The following CENPK variants were observed in gnomAD, a reference collection of about 807,000 sequenced individuals.
The protein encoded by CENPK is centromere protein K, also known as SoxLZ/Sox6-binding protein Solt.
In CENPK, 46 loss-of-function variants were observed where a neutral mutation model predicts 40.9. The observed-to-expected ratio is 1.13, with a 90% confidence interval of 0.89 to 1.44. The LOEUF (loss-of-function observed/expected upper bound fraction) is 1.44. Ranked by LOEUF, CENPK falls within the 40% of genes most tolerant of loss-of-function variation. The pLI is 0.00. For synonymous variants in CENPK, 107 were observed against 104.4 expected (o/e 1.02, Z -0.15); for missense variants, 288 against 303.5 (o/e 0.95, Z 0.38).
chr5:65,546,196 CT>C (rs1331269380), intron 5 of CENPK, among the ~76,000 whole-genome samples: 1 of 150,828 alleles, frequency 6.6e-6, no homozygotes, highest in African/African-American at 2.4e-5. Flanking sequence ...GTTATATGTT[CT>C]AGTTCTAATG....
chr5:65,519,215 T>C (rs1186440875), intron 10 of CENPK, among the ~76,000 whole-genome samples: 2 of 152,202 alleles, frequency 1.3e-5, no homozygotes, highest in Non-Finnish European at 2.9e-5. Flanking sequence ...CTGCATTCCA[T>C]AGAATTAGTC....
the CENPK span, among the ~76,000 whole-genome samples, chr5:65,509,151 G>C: frequency 3.0e-4 from 46 of 152,094 alleles, no homozygotes; most frequent in Non-Finnish European, 5.1e-4. Flanking sequence ...GAATCATCTT[G>C]TCTTGGCGTA....
the CENPK span, among the ~76,000 whole-genome samples, chr5:65,501,718 AC>A: frequency 6.6e-6 from 1 of 152,084 alleles, no homozygotes; most frequent in African/African-American, 2.4e-5. Context: ...GCTTTTTGAC[AC>A]CCAGGGTAGG....
chr5:65,535,860 T>C lies in CENPK; in HGVS notation c.289-6661A>G, dbSNP rs558323375. 4.6e-5 allele frequency among the ~76,000 whole-genome samples: 7 copies of C among 152,266 alleles called. No individual in the cohort carries two copies. In the East Asian group the frequency reaches 1.4e-3, roughly 29 times the overall value. ...TACAAATGAGATTTCCTATAACTCC[T>C]GCTAGCTGAAACATAAGGAAAGCAC... On this transcript the variant is annotated intron_variant, in intron 6 of 10. Coordinates refer to ENST00000396679, the MANE Select transcript of CENPK (RefSeq NM_022145.5).
chr5:65,523,424 G>A (rs1466784029), intron 9 of CENPK, among the ~76,000 whole-genome samples: 5 of 152,108 alleles, frequency 3.3e-5, no homozygotes, highest in Non-Finnish European at 4.4e-5. Context: ...AGATTACCAT[G>A]GAATTCTTAT....
In CENPK at chr5:65,539,504, G is replaced by A. The variant is rs1203582650; in HGVS notation, c.288+3298C>T. ...GTCCCAATTAACTCCCAACACAATA[G>A]GGTAAACATTAAATCTTAAGGCCCA... On this transcript the variant is annotated intron_variant, in intron 6 of 10. Transcript: ENST00000396679. 2.0e-5 allele frequency among the ~76,000 whole-genome samples: 3 copies of A among 152,342 alleles called. No individual in the cohort carries two copies. The East Asian group carries it at 5.8e-4, about 29-fold the overall frequency.
chr5:65,543,350 TTTC>T (rs1360398644), intron 5 of CENPK, among the ~76,000 whole-genome samples: 5 of 152,214 alleles, frequency 3.3e-5, no homozygotes, highest in African/African-American at 4.8e-5. Context: ...GCCTTTTTCT[TTTC>T]TTCTTTTGTT....
intron 2 of CENPK, among the ~76,000 whole-genome samples, chr5:65,559,561 G>GT (rs1751596819): frequency 6.7e-6 from 1 of 149,932 alleles, no homozygotes; most frequent in Admixed American, 6.6e-5. Context: ...CCCGGGAGGC[G>GT]GAGCTTGCAG....
downstream of CENPK, chr5:65,517,714 G>C (rs541105613): frequency 2.0e-5 from 3 of 151,826 alleles, no homozygotes; most frequent in Non-Finnish European, 2.9e-5. Flanking sequence ...TTAGTTTATC[G>C]GCCTTTAAAA....
At chr5:65,544,546 T>C (rs774096058) in intron 5 of CENPK, among the ~76,000 whole-genome samples, 16 of 152,136 alleles carry the variant, frequency 1.1e-4, no homozygotes, top group African/African-American at 3.1e-4. Context: ...TCCAAAAGAA[T>C]TGAACGCAGG....
chr5:65,543,511 G>A (rs1748342479), intron 5 of CENPK, among the ~76,000 whole-genome samples: 1 of 152,072 alleles, frequency 6.6e-6, no homozygotes, highest in African/African-American at 2.4e-5. Flanking sequence ...TTACAAGAAT[G>A]GGGTCATATC....
At chr5:65,538,752 C>T (rs1172285428) in intron 6 of CENPK, among the ~76,000 whole-genome samples, 1 of 152,188 alleles carries the variant, frequency 6.6e-6, no homozygotes, top group Non-Finnish European at 1.5e-5. Flanking sequence ...ATTAACCACC[C>T]AACCTGGTAT....
intron 6 of CENPK, among the ~76,000 whole-genome samples, chr5:65,532,327 A>G (rs1009452860): frequency 6.6e-6 from 1 of 152,148 alleles, no homozygotes; most frequent in African/African-American, 2.4e-5. Context: ...GACTTCAAAC[A>G]AATACTTCAG....
chr5:65,546,670 A>G (rs1304171345), intron 5 of CENPK, among the ~76,000 whole-genome samples: 1 of 152,182 alleles, frequency 6.6e-6, no homozygotes, highest in East Asian at 1.9e-4. Context: ...ATTAGAGTTG[A>G]CCCTAATCCA....
intron 5 of CENPK, among the ~76,000 whole-genome samples, chr5:65,549,544 TGTTTATCATA>T (rs1749609983): frequency 6.6e-6 from 1 of 152,244 alleles, no homozygotes; most frequent in Non-Finnish European, 1.5e-5. Flanking sequence ...GAAAATTTGC[TGTTTATCATA>T]GCCACCTTCA....
At chr5:65,549,606 T>C (rs1749619726) in intron 5 of CENPK, among the ~76,000 whole-genome samples, 1 of 152,240 alleles carries the variant, frequency 6.6e-6, no homozygotes, top group African/African-American at 2.4e-5. Context: ...TTGACGCTTC[T>C]GCCTCAGTAC....
chr5:65,530,634 T>C (rs1745626060), intron 6 of CENPK, among the ~76,000 whole-genome samples: 1 of 152,210 alleles, frequency 6.6e-6, no homozygotes, highest in Non-Finnish European at 1.5e-5. Flanking sequence ...AAGTTAAACA[T>C]GTATATTACA....
chr5:65,533,718 T>C (rs1746324002), intron 6 of CENPK, among the ~76,000 whole-genome samples: 1 of 152,166 alleles, frequency 6.6e-6, no homozygotes, highest in Non-Finnish European at 1.5e-5. Flanking sequence ...TACATATTAA[T>C]TGTATTTGTA....
At chr5:65,516,171 C>T (rs1580855261), downstream of CENPK, among the ~76,000 whole-genome samples, 3 of 152,182 alleles carry the variant, frequency 2.0e-5, no homozygotes, top group Non-Finnish European at 2.9e-5. Context: ...CATGAACATT[C>T]AGTCCATAAC....
Sources: allele counts gnomAD v4.1 joint callset (sites outside exome capture counted in the v4.1 genomes callset), GRCh38; gene constraint gnomAD v4.1.1; transcripts MANE v1.5; gene names NCBI Gene and HGNC (gene_info 2026-07-23, HGNC 2026-07-21).